Variants in CUEDC2 observed in about 807,000 individuals in gnomAD.
CUEDC2 encodes CUE domain containing 2, also known as CUE domain-containing protein 2.
Under a neutral mutation model 36.0 loss-of-function variants are expected in CUEDC2, and 10 were observed. The ratio of observed to expected loss-of-function variants is 0.28; its 90% CI spans 0.17 to 0.47. CUEDC2 has a LOEUF of 0.47. Among genes scored for constraint, CUEDC2 ranks in the 20% least tolerant of loss-of-function variants. The pLI is 0.99. For missense variants in CUEDC2, 269 were observed against 368.1 expected (o/e 0.73, Z 2.20); for synonymous variants, 133 against 141.8 (o/e 0.94, Z 0.44).
Position 102,423,750 on chromosome 10 carries a change from A to G in CUEDC2, c.657-33T>C, listed in dbSNP as rs770717414. ...AAACTGGCTGGGTGAAGCTCCTGTCACCCTGGGAAGACCCTCTAGGGCCCA... is the reference window on the plus strand; with the variant it reads ...AAACTGGCTGGGTGAAGCTCCTGTCGCCCTGGGAAGACCCTCTAGGGCCCA... On this transcript the variant is annotated intron_variant, in intron 7 of 8. Coordinates refer to ENST00000369937, the MANE Select transcript of CUEDC2 (RefSeq NM_024040.3). This position sits in a 1 kb window ranked among gnomAD's most constrained non-coding sequence, Gnocchi z 5.6. 3 of 1,613,728 alleles carry G rather than the reference A, an allele frequency of 1.9e-6. No homozygotes were observed. Among genetic ancestry groups the G allele is most frequent in the Non-Finnish European group, 1.7e-6 (2 of 1,179,938 alleles).
At chr10:102,431,087 A>G (rs1013629760) in intron 1 of CUEDC2, among the ~76,000 whole-genome samples, 4 of 152,190 alleles carry the variant, frequency 2.6e-5, no homozygotes, top group Non-Finnish European at 4.4e-5. Flanking sequence ...AATCCTTACA[A>G]TAACTCTAAA....
chr10:102,429,423 G>A (rs2061608714), intron 1 of CUEDC2, among the ~76,000 whole-genome samples: 1 of 151,814 alleles, frequency 6.6e-6, no homozygotes, highest in Admixed American at 6.6e-5. Context: ...ACCTAGTTCA[G>A]CATCTATTCT....
Position 102,423,597 on chromosome 10 carries a change from G to A in CUEDC2, c.718-25C>T. The stretch of plus-strand genomic sequence containing the variant: ...CCTGTCAGGCAATCAGCAGTGAGTG[G>A]CAGAAGCCAGGAGCCAGTCCCACCC... On this transcript the variant is annotated intron_variant, in intron 8 of 8. Transcript: ENST00000369937. The surrounding 1 kb of genome is among the most constrained non-coding windows in gnomAD (Gnocchi z 5.6). The A allele has an allele frequency of 6.2e-7, 1 of 1,614,156 alleles. No homozygotes were observed. The highest frequency in any genetic ancestry group is 2.2e-5 in the East Asian group (1 of 44,888).
At position 102,423,554 on chromosome 10, in the gene CUEDC2, G is replaced by A. The variant is rs1162914828; in HGVS notation, c.736C>T (p.Arg246Ter). The change falls in exon 9 of 9, where the codon CGA becomes TGA. Residue 246 changes from arginine (R) to a stop codon, truncating the protein, a stop_gained. Coordinates refer to ENST00000369937, the MANE Select transcript of CUEDC2 (RefSeq NM_024040.3). LOFTEE classifies it high-confidence loss of function. This position sits in a 1 kb window ranked among gnomAD's most constrained non-coding sequence, Gnocchi z 5.6. ...APKEAPKKLI[R>*]YIDNQVVSTK... is the part of the protein sequence containing the mutation. ...CTCACTACCTGGTTGTCGATGTATCGGATCAGCTTCTTGGGGGCCTGTCAG... is the reference window on the plus strand; with the variant it reads ...CTCACTACCTGGTTGTCGATGTATCAGATCAGCTTCTTGGGGGCCTGTCAG... 2.5e-6 allele frequency: 4 copies of A among 1,614,166 alleles called. No individual in the cohort carries two copies. Among genetic ancestry groups the A allele is most frequent in the Non-Finnish European group, 1.7e-6 (2 of 1,180,034 alleles).
chr10:102,425,487 C>T lies in CUEDC2; in HGVS notation c.-10-289G>A, dbSNP rs1323341736. 2.9e-5 allele frequency among the ~76,000 whole-genome samples: 4 copies of T among 137,274 alleles called. No individual in the cohort carries two copies. The East Asian group carries it at 7.7e-4, about 26-fold the overall frequency. The allele number at this position is 137,274 out of a possible 152,430, so 90.1% of individuals were successfully genotyped here. ...CCTACCCCATTCCCCAGCAGCAGTCCCAGACCTTCTGACAAGGTCTTGGGG... is the reference window on the plus strand; with the variant it reads ...CCTACCCCATTCCCCAGCAGCAGTCTCAGACCTTCTGACAAGGTCTTGGGG... On this transcript the variant is annotated intron_variant, in intron 1 of 8. Coordinates refer to ENST00000369937, the MANE Select transcript of CUEDC2 (RefSeq NM_024040.3).
At chr10:102,427,050 T>A (rs2061599546) in intron 1 of CUEDC2, among the ~76,000 whole-genome samples, 1 of 152,106 alleles carries the variant, frequency 6.6e-6, no homozygotes, top group Admixed American at 6.6e-5. Flanking sequence ...CAATTTTGTC[T>A]GGTTTTGATC....
At chr10:102,431,125 T>G (rs1392673231) in intron 1 of CUEDC2, among the ~76,000 whole-genome samples, 5 of 146,712 alleles carry the variant, frequency 3.4e-5, no homozygotes, top group Non-Finnish European at 4.4e-5. Flanking sequence ...CTCCCCATTT[T>G]ATTTTATTTA....
Position 102,424,166 on chromosome 10 carries a change from C to T in CUEDC2, c.424G>A (p.Glu142Lys). ...ADTQDEATGA[E>K]EELLPGVDVL... Reference sequence around the variant, plus strand: ...TCCACCCCTGGCAGAAGCTCCTCCTCAGCGCCAGTTGCCTAAGGGTACAAA... The same window carrying T: ...TCCACCCCTGGCAGAAGCTCCTCCTTAGCGCCAGTTGCCTAAGGGTACAAA... The change falls in exon 6 of 9, where the codon GAG becomes AAG. Residue 142 changes from glutamate (E) to lysine (K), a missense_variant. Coordinates refer to ENST00000369937, the MANE Select transcript of CUEDC2 (RefSeq NM_024040.3). This position sits in a 1 kb window ranked among gnomAD's most constrained non-coding sequence, Gnocchi z 4.2. 1.2e-6 allele frequency: 2 copies of T among 1,613,938 alleles called. No individual in the cohort carries two copies. The highest frequency in any genetic ancestry group is 1.7e-6 in the Non-Finnish European group (2 of 1,179,896).
At position 102,425,593 on chromosome 10, in the gene CUEDC2, C is replaced by T. The variant is rs2061593378; in HGVS notation, c.-10-395G>A. Among the ~76,000 whole-genome samples the T allele has an allele frequency of 2.0e-5, 3 of 151,800 alleles. No homozygotes were observed. In the South Asian group the frequency reaches 6.3e-4, roughly 32 times the overall value. On this transcript the variant is annotated intron_variant, in intron 1 of 8. Coordinates refer to ENST00000369937, the MANE Select transcript of CUEDC2 (RefSeq NM_024040.3). The stretch of plus-strand genomic sequence containing the variant: ...GTCCAATCACAAGGGGCCCCATTGT[C>T]CAGCCCCTCAAGGCTCAGCCTCAGG...
intron 1 of CUEDC2, among the ~76,000 whole-genome samples, chr10:102,429,144 T>C (rs767399993): frequency 2.0e-5 from 3 of 152,208 alleles, no homozygotes; most frequent in Non-Finnish European, 4.4e-5. Context: ...ACACTCTCTA[T>C]GCAGGCTGCA....
At chr10:102,431,183 A>G (rs1263056128) in intron 1 of CUEDC2, among the ~76,000 whole-genome samples, 1 of 152,210 alleles carries the variant, frequency 6.6e-6, no homozygotes, top group Admixed American at 6.5e-5. Flanking sequence ...TCTGCCATCC[A>G]GGCTGGAGTG....
intron 1 of CUEDC2, among the ~76,000 whole-genome samples, chr10:102,429,842 G>A (rs1391741566): frequency 5.3e-5 from 8 of 149,914 alleles, no homozygotes; most frequent in South Asian, 2.1e-4. Context: ...TTTTTGAGAC[G>A]GAGTTTCGCT....
At chr10:102,430,721 T>C (rs907048269) in intron 1 of CUEDC2, among the ~76,000 whole-genome samples, 2 of 152,156 alleles carry the variant, frequency 1.3e-5, no homozygotes, top group Non-Finnish European at 2.9e-5. Context: ...CCGGTAGCCT[T>C]CCTAAGTACA....
chr10:102,431,269 A>G (rs1476219761), intron 1 of CUEDC2, among the ~76,000 whole-genome samples: 4 of 152,182 alleles, frequency 2.6e-5, no homozygotes, highest in Non-Finnish European at 5.9e-5. Flanking sequence ...CCTCCTGAGT[A>G]GCTGGGATTA....
At chr10:102,426,143 G>A (rs1181960853) in intron 1 of CUEDC2, among the ~76,000 whole-genome samples, 1 of 152,110 alleles carries the variant, frequency 6.6e-6, no homozygotes, top group Non-Finnish European at 1.5e-5. Context: ...GGGATGAGGG[G>A]GACACTCTGT....
At chr10:102,429,821 C>CTT (rs55659266) in intron 1 of CUEDC2, among the ~76,000 whole-genome samples, 1 of 133,102 alleles carries the variant, frequency 7.5e-6, no homozygotes, top group Non-Finnish European at 1.6e-5. Context: ...CAGTTTCTTT[C>CTT]TTTTTTTTTT....
chr10:102,429,825 T>G (rs1399019022), intron 1 of CUEDC2, among the ~76,000 whole-genome samples: 1 of 150,548 alleles, frequency 6.6e-6, no homozygotes, highest in Non-Finnish European at 1.5e-5. Flanking sequence ...TTCTTTCTTT[T>G]TTTTTTTTTT....
Position 102,424,044 on chromosome 10 carries a change from C to T in CUEDC2, c.546G>A (p.Leu182=). ...RGDLEEAVQM[L]VEGKEEGPAA... Reference sequence around the variant, plus strand: ...CAGGCCCCTCTTCCTTTCCCTCTACCAGCATCTGCACAGCTTCTTCCAAGT... The same window carrying T: ...CAGGCCCCTCTTCCTTTCCCTCTACTAGCATCTGCACAGCTTCTTCCAAGT... Residue 182 remains leucine (L), a synonymous_variant, in exon 6 of 9, where the codon CTG becomes CTA. Transcript: ENST00000369937. The surrounding 1 kb of genome is among the most constrained non-coding windows in gnomAD (Gnocchi z 4.2). 1.9e-6 allele frequency: 3 copies of T among 1,614,156 alleles called. No individual in the cohort carries two copies. The highest frequency in any genetic ancestry group is 1.7e-6 in the Non-Finnish European group (2 of 1,180,006).
intron 1 of CUEDC2, among the ~76,000 whole-genome samples, chr10:102,430,712 C>T (rs773141332): frequency 5.3e-5 from 8 of 152,174 alleles, no homozygotes; most frequent in East Asian, 3.8e-4. Context: ...TCCCCATCCC[C>T]GGTAGCCTTC....
Sources: gnomAD v4.1 joint callset for allele counts (sites outside exome capture counted in the v4.1 genomes callset) on GRCh38, gnomAD v4.1.1 for gene constraint, Gnocchi (gnomAD v3.1) non-coding constraint, MANE v1.5 for transcripts, NCBI Gene and HGNC (gene_info 2026-07-23, HGNC 2026-07-21) for gene names.